STAMBP: variants seen among roughly 807,000 people sequenced by gnomAD.
The protein encoded by STAMBP is STAM-binding protein.
Under a neutral mutation model 50.7 loss-of-function variants are expected in STAMBP, and 31 were observed. The observed-to-expected ratio is 0.61, with a 90% CI of 0.46 to 0.83. The LOEUF (loss-of-function observed/expected upper bound fraction) is 0.83, where lower values mean the gene tolerates loss of function less well. Among genes scored for constraint, STAMBP ranks in the 40% least tolerant of loss-of-function variants. The pLI is 0.00. For synonymous variants in STAMBP, 211 were observed against 192.4 expected, an observed-to-expected ratio of 1.10 and a Z score of -0.80; for missense variants, 472 against 518.9, an observed-to-expected ratio of 0.91 and a Z score of 0.88.
Position 73,845,374 on chromosome 2 carries a change from T to C in STAMBP, c.375+112T>C, listed in dbSNP as rs1675934776. ...TGCTTTTAATGTGCTGTTTCACCTT[T>C]TTTGGGCAAAGACCAGAAACTCAAA... On this transcript the variant is annotated intron_variant, in intron 4 of 9. Transcript: ENST00000394070. 7 of 767,146 alleles carry C rather than the reference T, an allele frequency of 9.1e-6. No individual in the cohort carries two copies. The East Asian group carries it at 1.9e-4, about 21-fold the overall frequency. 47.5% of individuals were successfully genotyped at this position (767,146 alleles called of 1,614,324 possible).
At chr2:73,872,526 C>T (rs1470020947) in intron 10 of STAMBP, among the ~76,000 whole-genome samples, 2 of 149,722 alleles carry the variant, frequency 1.3e-5, no homozygotes, top group Non-Finnish European at 2.9e-5. Context: ...GTTACGCTCT[C>T]TGTCCTCAAG....
intron 7 of STAMBP, among the ~76,000 whole-genome samples, chr2:73,857,800 C>G (rs1324042122): frequency 6.6e-6 from 1 of 152,112 alleles, no homozygotes; most frequent in Non-Finnish European, 1.5e-5. Context: ...TCCCCCACCC[C>G]ACTTGTGGCA....
At chr2:73,869,106 T>C (rs1360248241), downstream of STAMBP, among the ~76,000 whole-genome samples, 1 of 152,200 alleles carries the variant, frequency 6.6e-6, no homozygotes, top group East Asian at 1.9e-4. Context: ...GGCTACAAGC[T>C]AAGTATCTAC....
intron 7 of STAMBP, among the ~76,000 whole-genome samples, chr2:73,857,593 G>A (rs1239819354): frequency 6.6e-6 from 1 of 152,212 alleles, no homozygotes; most frequent in Non-Finnish European, 1.5e-5. Context: ...ATGAAATGTG[G>A]TGGGTGGGTT....
intron 2 of STAMBP, among the ~76,000 whole-genome samples, chr2:73,832,754 C>G (rs546598360): frequency 6.6e-6 from 1 of 152,210 alleles, no homozygotes; most frequent in South Asian, 2.1e-4. Flanking sequence ...GCCAGTATCC[C>G]CCCTCCCCGC....
chr2:73,847,561 G>A lies in STAMBP; in HGVS notation c.550G>A (p.Glu184Lys), dbSNP rs758355120. 6.2e-7 allele frequency: 1 copy of A among 1,614,178 alleles called. No individual in the cohort carries two copies. The highest frequency in any genetic ancestry group is 8.5e-7 in the Non-Finnish European group (1 of 1,180,026). ...AAAAGAGCGACTGAAAATTGTACAG[G>A]AGTTTGGGAAGGTAGACCCTGGCCT... ...LEKERLKIVQ[E>K]FGKVDPGLGG... The change falls in exon 5 of 10, where the codon GAG (glutamate) becomes AAG (lysine). Residue 184 changes from glutamate to lysine, a missense_variant. Transcript: ENST00000394070.
intron 2 of STAMBP, among the ~76,000 whole-genome samples, chr2:73,839,545 C>T (rs1467922408): frequency 6.6e-6 from 1 of 152,194 alleles, no homozygotes; most frequent in Non-Finnish European, 1.5e-5. Flanking sequence ...TGCTGAGTAA[C>T]TTTTAAGACT....
intron 2 of STAMBP, among the ~76,000 whole-genome samples, chr2:73,833,992 C>T (rs538189837): frequency 1.3e-5 from 2 of 151,512 alleles, no homozygotes; most frequent in African/African-American, 2.4e-5. Context: ...GGATGGATCA[C>T]TTGAGGTCAG....
chr2:73,858,780 A>G lies in STAMBP; in HGVS notation c.1006-474A>G, dbSNP rs547684266. On this transcript the variant is annotated intron_variant, in intron 7 of 9. Coordinates refer to ENST00000394070, the MANE Select transcript of STAMBP (RefSeq NM_213622.4). Reference sequence around the variant, plus strand: ...ATTAGGAACCTCAGGTGGACCTCTCATGGTTGCAGATGGCTTCTCACTTAC... The same window carrying G: ...ATTAGGAACCTCAGGTGGACCTCTCGTGGTTGCAGATGGCTTCTCACTTAC... Among the ~76,000 whole-genome samples, 6 of 152,294 alleles carry G rather than the reference A, an allele frequency of 3.9e-5. No individual in the cohort carries two copies. The East Asian group carries it at 9.6e-4, about 24-fold the overall frequency.
chr2:73,859,956 TGTGTGAGTGTGCATGCTG>T, intron 8 of STAMBP, 78 bp from the exon 9 acceptor site: 2 of 814,626 alleles, frequency 2.5e-6, no homozygotes, highest in Non-Finnish European at 4.2e-6. Context: ...TCTGCCCTGC[TGTGTGAGTGTGCATGCTG>T]GTGTGTGTGT....
chr2:73,860,561 C>T (rs1194204231), intron 9 of STAMBP: 14 of 986,258 alleles, frequency 1.4e-5, no homozygotes, highest in Non-Finnish European at 1.7e-5. Flanking sequence ...GATTTGAAGG[C>T]AAAGGAAAAG....
At chr2:73,849,223 A>G in intron 5 of STAMBP, 140 bp from the exon 6 acceptor site, 3 of 1,236,724 alleles carry the variant, frequency 2.4e-6, no homozygotes, top group Non-Finnish European at 3.4e-6. Flanking sequence ...TGGTGCCATT[A>G]GAATGAGATC....
In STAMBP at chr2:73,865,914, G is replaced by C. The variant is rs1033997794; in HGVS notation, c.*3655G>C. ...CCTTGATGTTCTGAGCAGGAAAACT[G>C]AGGACCTCAAGAACCATTCCAAATT... On this transcript the variant is annotated 3_prime_UTR_variant, in exon 10 of 10. Transcript: ENST00000394070. 6.6e-6 allele frequency: 1 copy of C among 152,198 alleles called. No individual in the cohort carries two copies. Among genetic ancestry groups the C allele is most frequent in the African/African-American group, 2.4e-5 (1 of 41,424 alleles). The allele number at this position is 152,198 out of a possible 1,614,324, so 9.4% of individuals were successfully genotyped here.
At chr2:73,845,051 G>T (rs1273633919) in intron 3 of STAMBP, 116 bp from the exon 4 acceptor site, 27 of 1,543,508 alleles carry the variant, frequency 1.7e-5, no homozygotes, top group Non-Finnish European at 2.2e-5. Flanking sequence ...GGTACAGTAG[G>T]GGGTATTTTA....
chr2:73,848,117 A>G (rs940370921), intron 5 of STAMBP, among the ~76,000 whole-genome samples: 1 of 152,202 alleles, frequency 6.6e-6, no homozygotes, highest in Non-Finnish European at 1.5e-5. Flanking sequence ...CTAGCAATTC[A>G]GATCTTGCTG....
chr2:73,861,861 G>C (rs1315161366), intron 9 of STAMBP, among the ~76,000 whole-genome samples: 1 of 152,030 alleles, frequency 6.6e-6, no homozygotes, highest in African/African-American at 2.4e-5. Context: ...TTTCAGGCCG[G>C]GCACGGTGGC....
rs111463385 is a variant in STAMBP at position 73,832,084 on chromosome 2, C to G, written c.203+1025C>G. The stretch of plus-strand genomic sequence containing the variant: ...TTACTACTGATTTTTGAGTAGGTAA[C>G]ATATATATATATATATATATATATA... On this transcript the variant is annotated intron_variant, in intron 2 of 9. Transcript: ENST00000394070. Among the ~76,000 whole-genome samples, 29 of 118,434 alleles carry G rather than the reference C, an allele frequency of 2.4e-4. No individual in the cohort carries two copies. In the East Asian group the frequency reaches 6.1e-3, roughly 25 times the overall value. The allele number at this position is 118,434 out of a possible 152,430, so 77.7% of individuals were successfully genotyped here.
chr2:73,867,654 A>G (rs567741565), downstream of STAMBP, among the ~76,000 whole-genome samples: 1 of 152,390 alleles, frequency 6.6e-6, no homozygotes, highest in South Asian at 2.1e-4. Flanking sequence ...ATAATACAAT[A>G]TCACAAATTA....
intron 2 of STAMBP, among the ~76,000 whole-genome samples, chr2:73,833,155 A>G (rs1342055462): frequency 6.6e-6 from 1 of 152,206 alleles, no homozygotes; most frequent in Non-Finnish European, 1.5e-5. Context: ...TTATTTGGTC[A>G]TGTTTTGGCA....
Sources: gnomAD v4.1 joint callset for allele counts (sites outside exome capture counted in the v4.1 genomes callset) on GRCh38, gnomAD v4.1.1 for gene constraint, MANE v1.5 for transcripts, NCBI Gene and HGNC (gene_info 2026-07-23, HGNC 2026-07-21) for gene names.